UNC13A: variants seen among roughly 807,000 people sequenced by gnomAD.
The protein encoded by UNC13A is protein unc-13 homolog A.
UNC13A carries 61 observed loss-of-function variants against 219.7 expected under a neutral mutation model. The observed-to-expected ratio is 0.28, with a 90% CI of 0.23 to 0.34. The LOEUF (loss-of-function observed/expected upper bound fraction) is 0.34, where lower values mean the gene tolerates loss of function less well. UNC13A is among the 10% of genes least tolerant of loss of function. The pLI, the probability that UNC13A is intolerant of heterozygous loss-of-function variation, is 1.00. For missense variants in UNC13A, 1,476 were observed against 2,270.3 expected, an observed-to-expected ratio of 0.65 and a Z score of 7.11; for synonymous variants, 920 against 884.6, an observed-to-expected ratio of 1.04 and a Z score of -0.71.
Position 17,605,270 on chromosome 19 carries a change from A to C in UNC13A, c.*784T>G, listed in dbSNP as rs567237162. 6.5e-6 allele frequency: 1 copy of C among 153,010 alleles called. No individual in the cohort carries two copies. Among genetic ancestry groups the C allele is most frequent in the East Asian group, 1.9e-4 (1 of 5,182 alleles). 9.5% of individuals were successfully genotyped at this position (153,010 alleles called of 1,614,324 possible). A position where few individuals can be genotyped will look rare whatever the true frequency, so the allele number is the denominator to read the frequency against. On this transcript the variant is annotated 3_prime_UTR_variant, in exon 44 of 44. Transcript: ENST00000519716. ...GCACCTGGAACCTTGGCCAAGTCTC[A>C]AGCAGCTCTTTAAGCCTCAGTTTTG...
Position 17,602,352 on chromosome 19 carries a change from C to T in UNC13A, c.*3702G>A, listed in dbSNP as rs975922588. 3.9e-5 allele frequency: 6 copies of T among 152,332 alleles called. No homozygotes were observed. Among genetic ancestry groups the T allele is most frequent in the Non-Finnish European group, 8.8e-5 (6 of 68,110 alleles). The allele number at this position is 152,332 out of a possible 1,614,324, so 9.4% of individuals were successfully genotyped here. A position where few individuals can be genotyped will look rare whatever the true frequency, so the allele number is the denominator to read the frequency against. On this transcript the variant is annotated 3_prime_UTR_variant, in exon 44 of 44. Coordinates refer to ENST00000519716, the MANE Select transcript of UNC13A (RefSeq NM_001080421.3). ...CCGTCCTCATCGGGGCGTGATCTCA[C>T]CCTCTGTCTCTGTGTTTTCTACTCT...
chr19:17,614,224 C>T (rs1232458850), intron 41 of UNC13A: 3 of 151,244 alleles, frequency 2.0e-5, no homozygotes, highest in Admixed American at 6.6e-5. Flanking sequence ...CCAGGCTGGT[C>T]TCAAACTCCT....
In UNC13A at chr19:17,662,234, A is replaced by G. The variant is rs532737483; in HGVS notation, c.559+1298T>C. Among the ~76,000 whole-genome samples the G allele has an allele frequency of 1.7e-3, 261 of 151,172 alleles. 1 individual carries two copies. The highest frequency in any genetic ancestry group is 6.0e-3 in the African/African-American group (247 of 40,838). ...TCCATCCAGCCTGGGCAACAGAGCA[A>G]GACTCTGTTTCAAAAAAAAAAAAAG... On this transcript the variant is annotated intron_variant, in intron 8 of 43. Transcript: ENST00000519716.
intron 8 of UNC13A, among the ~76,000 whole-genome samples, chr19:17,661,136 G>A (rs1385265854): frequency 3.5e-5 from 5 of 141,978 alleles, no homozygotes; most frequent in Non-Finnish European, 7.6e-5. Context: ...ATGGAGTCTT[G>A]CTCTGTTGCC....
chr19:17,681,735 C>T (rs1226089095), intron 1 of UNC13A, among the ~76,000 whole-genome samples: 2 of 152,126 alleles, frequency 1.3e-5, no homozygotes, highest in Non-Finnish European at 2.9e-5. Context: ...TAAGAGCTGT[C>T]CCCCAGAGGC....
Position 17,642,978 on chromosome 19 carries a change from A to G in UNC13A, c.2357-18T>C. 6.3e-7 allele frequency: 1 copy of G among 1,584,692 alleles called. No homozygotes were observed. The highest frequency in any genetic ancestry group is 8.6e-7 in the Non-Finnish European group (1 of 1,164,484). On this transcript the variant is annotated intron_variant, in intron 19 of 43. Coordinates refer to ENST00000519716, the MANE Select transcript of UNC13A (RefSeq NM_001080421.3). ...TCGCTTGTCTGCAGGGCAGAAAAAGAAGACAGTGTCAGAACTTCCCACTAT... is the reference window on the plus strand; with the variant it reads ...TCGCTTGTCTGCAGGGCAGAAAAAGGAGACAGTGTCAGAACTTCCCACTAT...
At chr19:17,681,392 G>A (rs1321606509) in intron 1 of UNC13A, among the ~76,000 whole-genome samples, 1 of 152,070 alleles carries the variant, frequency 6.6e-6, no homozygotes, top group Admixed American at 6.6e-5. Context: ...AGATTTGATC[G>A]TTTTGTGTGT....
chr19:17,616,366 G>A (rs986224547), intron 41 of UNC13A: 6 of 688,128 alleles, frequency 8.7e-6, no homozygotes, highest in Non-Finnish European at 1.6e-5. Context: ...GCAGGCACCG[G>A]GCACCAGGCG....
intron 12 of UNC13A, among the ~76,000 whole-genome samples, chr19:17,651,652 C>T (rs1349131157): frequency 1.3e-5 from 2 of 152,162 alleles, no homozygotes; most frequent in Non-Finnish European, 2.9e-5. Flanking sequence ...ACTCCTAAAC[C>T]ACATCTTTTC....
At chr19:17,611,709 A>T in intron 42 of UNC13A, 54 bp downstream of exon 42, 1 of 1,505,498 alleles carries the variant, frequency 6.6e-7, no homozygotes, top group Non-Finnish European at 9.2e-7. Context: ...AGCCAGTTTG[A>T]GTTTGGTTTC....
intron 8 of UNC13A, among the ~76,000 whole-genome samples, chr19:17,660,522 T>G (rs1038356114): frequency 3.9e-5 from 5 of 128,266 alleles, no homozygotes; most frequent in African/African-American, 1.5e-4. Context: ...TTTGTTTGTT[T>G]GTTGGTTTTT....
intron 41 of UNC13A, among the ~76,000 whole-genome samples, chr19:17,615,603 C>A (rs2076654278): frequency 6.6e-6 from 1 of 151,906 alleles, no homozygotes; most frequent in Non-Finnish European, 1.5e-5. Context: ...CGCTTGAAAC[C>A]AGGAGGCGGA....
rs1453277999 is a variant in UNC13A at position 17,617,738 on chromosome 19, G to A, written c.4522C>T (p.Leu1508=). The A allele has an allele frequency of 3.7e-6, 6 of 1,613,866 alleles. No individual in the cohort carries two copies. The highest frequency in any genetic ancestry group is 5.1e-6 in the Non-Finnish European group (6 of 1,179,850). ...LSLYTQATDL[L]IKTFVQTQSA... ...TGCGTCTGTACAAAGGTCTTGATTA[G>A]CAGGTCGGTGGCCTGCGTGTAGAGC... The change falls in exon 41 of 44, where the codon CTA becomes TTA. Residue 1508 remains leucine (L), a synonymous_variant. Transcript: ENST00000519716.
chr19:17,647,587 G>A lies in UNC13A; in HGVS notation c.1817-95C>T, dbSNP rs1195638572. Reference sequence around the variant, plus strand: ...CCCGCCCCTACTCATCAACCGGGGGGACTCAGGTGTCACCCCCTGAAGCCG... The same window carrying A: ...CCCGCCCCTACTCATCAACCGGGGGAACTCAGGTGTCACCCCCTGAAGCCG... On this transcript the variant is annotated intron_variant, in intron 16 of 43. Transcript: ENST00000519716. 2.1e-5 allele frequency: 26 copies of A among 1,243,356 alleles called. No individual in the cohort carries two copies. The East Asian group carries it at 5.2e-4, about 25-fold the overall frequency. The allele number at this position is 1,243,356 out of a possible 1,614,324, so 77.0% of individuals were successfully genotyped here.
chr19:17,645,567 G>T, intron 19 of UNC13A, 107 bp downstream of exon 19: 1 of 1,501,174 alleles, frequency 6.7e-7, no homozygotes, highest in Non-Finnish European at 9.0e-7. Flanking sequence ...TATGCTCCTC[G>T]ACCAAACTCC....
chr19:17,616,782 G>A (rs1318269167), intron 41 of UNC13A, among the ~76,000 whole-genome samples: 1 of 152,134 alleles, frequency 6.6e-6, no homozygotes, highest in African/African-American at 2.4e-5. Flanking sequence ...GAAGGGGGCC[G>A]TTGGAGGCCA....
intron 8 of UNC13A, among the ~76,000 whole-genome samples, chr19:17,663,237 G>A (rs2079583212): frequency 6.6e-6 from 1 of 151,966 alleles, no homozygotes; most frequent in African/African-American, 2.4e-5. Flanking sequence ...GGGTCACAGT[G>A]CCCAGCTGGA....
At chr19:17,648,295 T>G in intron 16 of UNC13A, 136 bp downstream of exon 16, 1 of 279,946 alleles carries the variant, frequency 3.6e-6, no homozygotes, top group Non-Finnish European at 4.8e-6. Flanking sequence ...GTCCCTCCCC[T>G]GCCTCACGAC....
chr19:17,680,145 G>C (rs1015665053), intron 1 of UNC13A, among the ~76,000 whole-genome samples: 2 of 151,742 alleles, frequency 1.3e-5, no homozygotes, highest in African/African-American at 4.8e-5. Context: ...AAGGGGGATG[G>C]GCGCAGAGGG....
Sources: allele counts gnomAD v4.1 joint callset (sites outside exome capture counted in the v4.1 genomes callset), GRCh38; gene constraint gnomAD v4.1.1; transcripts MANE v1.5; gene names NCBI Gene and HGNC (gene_info 2026-07-23, HGNC 2026-07-21).